Variants in PPP1R12B observed in about 807,000 individuals in gnomAD.
The protein encoded by PPP1R12B is myosin phosphatase target subunit 2.
PPP1R12B carries 76 observed loss-of-function variants against 126.1 expected under a neutral mutation model. The ratio of observed to expected loss-of-function variants is 0.60; its 90% CI spans 0.50 to 0.73. The LOEUF (loss-of-function observed/expected upper bound fraction) is 0.73. PPP1R12B is among the 30% of genes least tolerant of loss of function. The pLI is 0.00. For missense variants in PPP1R12B, 1,052 were observed against 1,205.1 expected (o/e 0.87, Z 1.88); for synonymous variants, 356 against 434.7 (o/e 0.82, Z 2.25).
intron 18 of PPP1R12B, among the ~76,000 whole-genome samples, chr1:202,556,496 A>G (rs1236802007): frequency 6.6e-6 from 1 of 152,156 alleles, no homozygotes; most frequent in Non-Finnish European, 1.5e-5. Flanking sequence ...CTCCATAACA[A>G]TATGTTTTTT....
intron 1 of PPP1R12B, among the ~76,000 whole-genome samples, chr1:202,357,060 G>C (rs930572961): frequency 3.3e-5 from 5 of 152,102 alleles, no homozygotes; most frequent in South Asian, 2.1e-4. Context: ...GACTTCAGGT[G>C]ATCCACCCGC....
chr1:202,439,607 C>A, intron 10 of PPP1R12B: 1 of 1,036,456 alleles, frequency 9.6e-7, no homozygotes, highest in South Asian at 1.4e-5. Context: ...ACACCATGGA[C>A]CCTGCCCTGT....
At position 202,588,858 on chromosome 1, in the gene PPP1R12B, G is replaced by GATAGAT. The variant is rs1167897565; in HGVS notation, c.*8300_*8305dup. 1 of 145,536 alleles carries GATAGAT rather than the reference G, an allele frequency of 6.9e-6. No homozygotes were observed. Among genetic ancestry groups the GATAGAT allele is most frequent in the Admixed American group, 6.6e-5 (1 of 15,054 alleles). The allele number at this position is 145,536 out of a possible 1,614,324, so 9.0% of individuals were successfully genotyped here. A position where few individuals can be genotyped will look rare whatever the true frequency, so the allele number is the denominator to read the frequency against. ...AGATAGATAGATAGATAGATAGATA[G>GATAGAT]ATAGATAGATAGATATCAAGGTTCC... On this transcript the variant is annotated 3_prime_UTR_variant, in exon 24 of 24. Coordinates refer to ENST00000608999, the MANE Select transcript of PPP1R12B (RefSeq NM_002481.4).
At chr1:202,427,955 T>C (rs1010137760) in intron 5 of PPP1R12B, among the ~76,000 whole-genome samples, 7 of 148,234 alleles carry the variant, frequency 4.7e-5, no homozygotes, top group African/African-American at 1.7e-4. Context: ...CAGCTGATTT[T>C]ATTTTAATTA....
chr1:202,571,592 T>C (rs1329125741), intron 23 of PPP1R12B, among the ~76,000 whole-genome samples: 93 of 152,354 alleles, frequency 6.1e-4, no homozygotes, highest in Admixed American at 6.1e-3. Context: ...GAGCTGGGAC[T>C]AGTAGTGTGT....
At chr1:202,393,822 A>G (rs541012996) in intron 1 of PPP1R12B, among the ~76,000 whole-genome samples, 37 of 152,328 alleles carry the variant, frequency 2.4e-4, no homozygotes, top group African/African-American at 8.7e-4. Context: ...ACACTTTGGG[A>G]GGCCAAGGCA....
intron 15 of PPP1R12B, among the ~76,000 whole-genome samples, chr1:202,494,435 T>G (rs1478106648): frequency 2.0e-5 from 3 of 152,212 alleles, no homozygotes; most frequent in Non-Finnish European, 4.4e-5. Flanking sequence ...TACTACATTT[T>G]ATTGTATATG....
chr1:202,399,246 G>T (rs1233437662), intron 1 of PPP1R12B, among the ~76,000 whole-genome samples: 1 of 151,942 alleles, frequency 6.6e-6, no homozygotes, highest in African/African-American at 2.4e-5. Context: ...TTTTGACAGG[G>T]TCTCGCTCTG....
At chr1:202,563,669 C>T (rs1687759584) in intron 20 of PPP1R12B, among the ~76,000 whole-genome samples, 2 of 150,236 alleles carry the variant, frequency 1.3e-5, no homozygotes, top group South Asian at 2.1e-4. Flanking sequence ...CATCACTTTA[C>T]AGTTTATTTC....
At chr1:202,382,450 GAA>G (rs908444412) in intron 1 of PPP1R12B, among the ~76,000 whole-genome samples, 8 of 121,240 alleles carry the variant, frequency 6.6e-5, no homozygotes, top group Non-Finnish European at 1.2e-4. Flanking sequence ...AAAAGAAAAA[GAA>G]AAAAACCCAC....
At chr1:202,382,615 G>T (rs895302610) in intron 1 of PPP1R12B, among the ~76,000 whole-genome samples, 1 of 151,886 alleles carries the variant, frequency 6.6e-6, no homozygotes, top group Non-Finnish European at 1.5e-5. Context: ...GGTGGCTCAC[G>T]CTTGTAATCC....
intron 1 of PPP1R12B, among the ~76,000 whole-genome samples, chr1:202,355,021 G>A (rs1284861345): frequency 6.6e-6 from 1 of 151,918 alleles, no homozygotes; most frequent in Non-Finnish European, 1.5e-5. Flanking sequence ...TAGAGACGGG[G>A]TTTTGGGCGG....
At chr1:202,525,815 A>T (rs898295725) in intron 18 of PPP1R12B, among the ~76,000 whole-genome samples, 1 of 152,026 alleles carries the variant, frequency 6.6e-6, no homozygotes, top group Middle Eastern at 3.2e-3. Flanking sequence ...CTCCTGCCTC[A>T]GCCTCCCGAG....
chr1:202,455,074 A>T (rs1358486538), intron 13 of PPP1R12B, among the ~76,000 whole-genome samples: 1 of 152,150 alleles, frequency 6.6e-6, no homozygotes, highest in Non-Finnish European at 1.5e-5. Flanking sequence ...AATTGAAAAG[A>T]TACTGAGGTG....
chr1:202,460,035 C>T (rs1404080356), intron 13 of PPP1R12B, among the ~76,000 whole-genome samples: 3 of 152,208 alleles, frequency 2.0e-5, no homozygotes, highest in Non-Finnish European at 4.4e-5. Context: ...TTTTCCAAAG[C>T]TCCAAGTTTT....
chr1:202,392,160 G>A (rs1664227232), intron 1 of PPP1R12B, among the ~76,000 whole-genome samples: 1 of 151,526 alleles, frequency 6.6e-6, no homozygotes, highest in Admixed American at 6.6e-5. Flanking sequence ...ATGAAAACAT[G>A]TGTCCATACA....
chr1:202,556,015 A>T (rs1686892242), intron 18 of PPP1R12B, among the ~76,000 whole-genome samples: 1 of 151,834 alleles, frequency 6.6e-6, no homozygotes, highest in Non-Finnish European at 1.5e-5. Flanking sequence ...AGCTGGGACT[A>T]CAAGCATGTG....
At position 202,562,774 on chromosome 1, in the gene PPP1R12B, A is replaced by G. The variant is rs772944987; in HGVS notation, c.2508-4A>G. On this transcript the variant is annotated splice_polypyrimidine_tract_variant and splice_region_variant and intron_variant, in intron 19 of 23. Transcript: ENST00000608999. The stretch of plus-strand genomic sequence containing the variant: ...ATTTTTATCTTTAATATTATCTCCC[A>G]CAGGTTGGAATCGGGAGGTAGTAAT... The G allele has an allele frequency of 1.2e-5, 19 of 1,609,590 alleles. No individual in the cohort carries two copies. Among genetic ancestry groups the G allele is most frequent in the Non-Finnish European group, 1.4e-5 (16 of 1,176,764 alleles).
At chr1:202,351,676 T>G (rs189014619) in intron 1 of PPP1R12B, among the ~76,000 whole-genome samples, 89 of 152,386 alleles carry the variant, frequency 5.8e-4, no homozygotes, top group Admixed American at 5.3e-3. Flanking sequence ...TCTGAATTAT[T>G]TATTTAAAAT....
Sources: gnomAD v4.1 joint callset for allele counts (sites outside exome capture counted in the v4.1 genomes callset) on GRCh38, gnomAD v4.1.1 for gene constraint, MANE v1.5 for transcripts, NCBI Gene and HGNC (gene_info 2026-07-23, HGNC 2026-07-21) for gene names.